The following OOSP1 variants were observed in gnomAD, a reference collection of about 807,000 sequenced individuals.
OOSP1 encodes the protein oocyte secreted protein 1.
OOSP1 carries 11 observed loss-of-function variants against 5.7 expected under a neutral mutation model. The ratio of observed to expected loss-of-function variants is 1.94; its 90% CI spans 1.22 to 3.20. OOSP1 has a LOEUF of 3.20. Among genes scored for constraint, OOSP1 ranks in the 30% most tolerant of loss-of-function variants. The pLI is 0.00. For missense variants in OOSP1, 83 were observed against 54.1 expected (o/e 1.53, Z -1.67); for synonymous variants, 44 against 20.0 (o/e 2.20, Z -3.20).
intron 4 of OOSP1, among the ~76,000 whole-genome samples, chr11:59,954,514 C>T (rs1023708587): frequency 1.5e-4 from 23 of 151,916 alleles, no homozygotes; most frequent in Admixed American, 7.9e-4. Flanking sequence ...CAGAGAGTAT[C>T]GTTTTTATTT....
intron 1 of OOSP1, among the ~76,000 whole-genome samples, chr11:59,941,105 C>A (rs1853819962): frequency 6.6e-6 from 1 of 152,206 alleles, no homozygotes; most frequent in South Asian, 2.1e-4. Context: ...AAGCACAGAT[C>A]TGTTCTCCAT....
chr11:59,949,168 T>C (rs1853915200), intron 4 of OOSP1: 1 of 167,156 alleles, frequency 6.0e-6, no homozygotes, highest in African/African-American at 2.4e-5. Context: ...TAGTTGTGGT[T>C]GGTCCTGGTA....
At chr11:59,955,388 G>A (rs1483868602) in intron 4 of OOSP1, among the ~76,000 whole-genome samples, 3 of 151,354 alleles carry the variant, frequency 2.0e-5, no homozygotes, top group Non-Finnish European at 2.9e-5. Flanking sequence ...GCATTGTCTC[G>A]TTTCATAGGA....
At chr11:59,946,933 A>G (rs1010806943) in intron 3 of OOSP1, among the ~76,000 whole-genome samples, 55 of 149,612 alleles carry the variant, frequency 3.7e-4, no homozygotes, top group African/African-American at 1.2e-3. Flanking sequence ...CTATCTATCT[A>G]TCTATCTATC....
At chr11:59,941,470 C>T (rs1461013426) in intron 1 of OOSP1, among the ~76,000 whole-genome samples, 1 of 152,020 alleles carries the variant, frequency 6.6e-6, no homozygotes, top group Non-Finnish European at 1.5e-5. Flanking sequence ...ACCTCTGCCT[C>T]CCAGGTTCAC....
intron 4 of OOSP1, among the ~76,000 whole-genome samples, chr11:59,951,079 C>T (rs1853935215): frequency 6.6e-6 from 1 of 151,594 alleles, no homozygotes; most frequent in Non-Finnish European, 1.5e-5. Flanking sequence ...GATAAATTAT[C>T]AAATTGCAAA....
At chr11:59,944,236 A>G (rs577435812) in intron 2 of OOSP1, among the ~76,000 whole-genome samples, 2 of 151,730 alleles carry the variant, frequency 1.3e-5, no homozygotes, top group African/African-American at 2.4e-5. Context: ...GCTGAAGGCT[A>G]TCTGGTAACA....
chr11:59,945,232 C>G, exon 3 of OOSP1: 1 of 702,998 alleles, frequency 1.4e-6, no homozygotes, highest in Non-Finnish European at 2.6e-6. Context: ...CTCTACTGTC[C>G]GATCTGAAAT....
At chr11:59,943,221 G>T (rs1853849441) in intron 2 of OOSP1, among the ~76,000 whole-genome samples, 193 bp downstream of exon 2, 1 of 107,276 alleles carries the variant, frequency 9.3e-6, no homozygotes, top group African/African-American at 3.6e-5. Context: ...GGTGGGGGGA[G>T]GGGAGAGGGA....
intron 1 of OOSP1, among the ~76,000 whole-genome samples, chr11:59,940,460 A>G (rs1178860419): frequency 6.6e-6 from 1 of 152,178 alleles, no homozygotes; most frequent in Non-Finnish European, 1.5e-5. Context: ...GTGGATCTGT[A>G]AATATGTTTC....
chr11:59,952,355 C>T (rs1853948534), intron 4 of OOSP1, among the ~76,000 whole-genome samples: 1 of 152,020 alleles, frequency 6.6e-6, no homozygotes, highest in Admixed American at 6.6e-5. Flanking sequence ...CCACACAATT[C>T]ACAATTGCAA....
intron 4 of OOSP1, among the ~76,000 whole-genome samples, chr11:59,949,316 C>T (rs926745446): frequency 2.6e-5 from 4 of 151,866 alleles, no homozygotes; most frequent in African/African-American, 9.7e-5. Context: ...GGAACAGAGG[C>T]AGAGTAAGAA....
chr11:59,953,166 G>C (rs1268814290), intron 4 of OOSP1, among the ~76,000 whole-genome samples: 1 of 152,058 alleles, frequency 6.6e-6, no homozygotes, highest in Non-Finnish European at 1.5e-5. Flanking sequence ...TCAGCCCCTT[G>C]ATTATTCTGG....
chr11:59,956,915 T>TTATA (rs140480076), intron 4 of OOSP1, among the ~76,000 whole-genome samples: 4 of 151,218 alleles, frequency 2.6e-5, no homozygotes, highest in African/African-American at 7.3e-5. Context: ...TAGTATTCCA[T>TTATA]TATATATATA....
intron 3 of OOSP1, among the ~76,000 whole-genome samples, chr11:59,946,813 G>T (rs1260105985): frequency 2.7e-5 from 4 of 150,828 alleles, no homozygotes; most frequent in African/African-American, 9.8e-5. Context: ...GGATTTGTGG[G>T]TTAAGATTGG....
intron 3 of OOSP1, among the ~76,000 whole-genome samples, chr11:59,946,090 G>A (rs1162566805): frequency 6.6e-6 from 1 of 152,150 alleles, no homozygotes; most frequent in African/African-American, 2.4e-5. Flanking sequence ...TCCCTTGCCT[G>A]TCAGGAACCT....
At chr11:59,941,652 A>G (rs1853827450) in intron 1 of OOSP1, among the ~76,000 whole-genome samples, 1 of 152,220 alleles carries the variant, frequency 6.6e-6, no homozygotes, top group Non-Finnish European at 1.5e-5. Flanking sequence ...TGCTGGGATT[A>G]CAGGAGTGAG....
exon 5 of OOSP1, chr11:59,957,406 T>C (rs547779261): frequency 1.0e-5 from 4 of 388,772 alleles, no homozygotes; most frequent in African/African-American, 4.1e-5. Flanking sequence ...GATACTGGTT[T>C]CTGTTTTAAA....
chr11:59,946,783 G>A (rs1333133900), intron 3 of OOSP1, among the ~76,000 whole-genome samples: 2 of 151,448 alleles, frequency 1.3e-5, no homozygotes, highest in African/African-American at 4.8e-5. Flanking sequence ...ACAGTGTTGG[G>A]AGAGAGACAT....
Sources: gnomAD v4.1 joint callset for allele counts (sites outside exome capture counted in the v4.1 genomes callset) on GRCh38, gnomAD v4.1.1 for gene constraint, MANE v1.5 for transcripts, NCBI Gene and HGNC (gene_info 2026-07-23, HGNC 2026-07-21) for gene names.